Variants in G3BP1 observed in about 807,000 individuals in gnomAD.
The protein encoded by G3BP1 is ras GTPase-activating protein-binding protein 1.
G3BP1 carries 35 observed loss-of-function variants against 58.6 expected under a neutral mutation model. That is an observed-to-expected ratio of 0.60 (90% confidence interval 0.46 to 0.79). The LOEUF (loss-of-function observed/expected upper bound fraction) is 0.79. Ranked by LOEUF, G3BP1 falls within the 30% of genes least tolerant of loss-of-function variation. The probability of loss-of-function intolerance (pLI) is 0.00; values close to 1 mark genes in which losing one functional copy is unlikely to be tolerated. For missense variants in G3BP1, 523 were observed against 580.8 expected (o/e 0.90, Z 1.02); for synonymous variants, 191 against 195.4 (o/e 0.98, Z 0.19).
At chr5:151,788,032 C>G (rs1478066186) in intron 2 of G3BP1, among the ~76,000 whole-genome samples, 16 of 151,850 alleles carry the variant, frequency 1.1e-4, no homozygotes, top group Non-Finnish European at 7.4e-5. Flanking sequence ...TCAGACGATC[C>G]TCCCACCTCA....
At chr5:151,774,811 C>G (rs548683680) in intron 1 of G3BP1, among the ~76,000 whole-genome samples, 1 of 152,152 alleles carries the variant, frequency 6.6e-6, no homozygotes, top group Non-Finnish European at 1.5e-5. Flanking sequence ...TTCCAGTACT[C>G]CAGTACAAGC....
rs189531260 is a variant in G3BP1 at position 151,794,092 on chromosome 5, T to C, written c.352-67T>C. 1.1e-4 allele frequency: 101 copies of C among 892,188 alleles called. No individual in the cohort carries two copies. In the African/African-American group the frequency reaches 1.5e-3, roughly 13 times the overall value. 55.3% of individuals were successfully genotyped at this position (892,188 alleles called of 1,614,324 possible). ...GAGGCAGACTTGTCCCAGTCACCAATGGTGTAGAGTGATTTGACTTTCTAA... is the reference window on the plus strand; with the variant it reads ...GAGGCAGACTTGTCCCAGTCACCAACGGTGTAGAGTGATTTGACTTTCTAA... On this transcript the variant is annotated intron_variant, in intron 4 of 11. Transcript: ENST00000356245.
intron 7 of G3BP1, among the ~76,000 whole-genome samples, chr5:151,798,583 A>T (rs1762795381): frequency 1.3e-5 from 2 of 152,232 alleles, no homozygotes; most frequent in African/African-American, 4.8e-5. Context: ...ATGTTTGTAC[A>T]ATGGATTGGA....
rs1437436906 is a variant in G3BP1 at position 151,806,279 on chromosome 5, T to A, written c.*2188T>A. 1.3e-5 allele frequency: 2 copies of A among 152,204 alleles called. No individual in the cohort carries two copies. Among genetic ancestry groups the A allele is most frequent in the Non-Finnish European group, 2.9e-5 (2 of 68,038 alleles). The allele number at this position is 152,204 out of a possible 1,614,324, so 9.4% of individuals were successfully genotyped here. ...AGGAAATGGAAATCTGTTTCAAGAA[T>A]TGCAGTAACATCTACTCTAAGGAAT... On this transcript the variant is annotated 3_prime_UTR_variant, in exon 12 of 12. Coordinates refer to ENST00000356245, the MANE Select transcript of G3BP1 (RefSeq NM_005754.3).
At chr5:151,779,026 C>A (rs931414335) in intron 1 of G3BP1, among the ~76,000 whole-genome samples, 7 of 151,180 alleles carry the variant, frequency 4.6e-5, no homozygotes, top group African/African-American at 1.7e-4. Flanking sequence ...CCAGCCTGGG[C>A]GACAGTGGAA....
At chr5:151,792,126 AC>A (rs1294580679) in intron 4 of G3BP1, 3 of 456,062 alleles carry the variant, frequency 6.6e-6, no homozygotes, top group African/African-American at 6.0e-5. Flanking sequence ...TTTTAGTTAT[AC>A]TTATGAAAGG....
At chr5:151,790,250 T>A in intron 2 of G3BP1, 73 bp from the exon 3 acceptor site, 1 of 763,716 alleles carries the variant, frequency 1.3e-6, no homozygotes. Flanking sequence ...AAAAAAAGTT[T>A]GCCAGTATCA....
intron 10 of G3BP1, among the ~76,000 whole-genome samples, 164 bp downstream of exon 10, chr5:151,800,510 A>G (rs547724565): frequency 2.0e-5 from 3 of 152,312 alleles, no homozygotes; most frequent in Non-Finnish European, 4.4e-5. Flanking sequence ...ATTTAACTTA[A>G]GGCATTGTCA....
At chr5:151,793,402 C>T (rs79317443) in intron 4 of G3BP1, among the ~76,000 whole-genome samples, 3,524 of 152,266 alleles carry the variant, frequency 0.023, 71 homozygotes, top group South Asian at 0.035. Flanking sequence ...AGCCACTGTG[C>T]CCATCCGGGA....
At chr5:151,782,926 C>T (rs1261488304) in intron 1 of G3BP1, among the ~76,000 whole-genome samples, 3 of 137,644 alleles carry the variant, frequency 2.2e-5, no homozygotes, top group Admixed American at 8.1e-5. Flanking sequence ...GGCGTGATCT[C>T]GGCTCACTGC....
intron 2 of G3BP1, chr5:151,786,918 C>A: frequency 2.8e-6 from 1 of 361,780 alleles, no homozygotes; most frequent in Non-Finnish European, 5.0e-6. Flanking sequence ...TCTGGACTGA[C>A]TGCAACGTCC....
At chr5:151,793,840 A>G (rs1202429473) in intron 4 of G3BP1, among the ~76,000 whole-genome samples, 2 of 150,452 alleles carry the variant, frequency 1.3e-5, no homozygotes, top group Non-Finnish European at 2.9e-5. Flanking sequence ...TCAAAAAAAA[A>G]AAAAAAAAAA....
chr5:151,776,072 C>G (rs1174538403), intron 1 of G3BP1, among the ~76,000 whole-genome samples: 1 of 152,152 alleles, frequency 6.6e-6, no homozygotes, highest in Admixed American at 6.5e-5. Flanking sequence ...GTTCTAGGAT[C>G]CAGTCCAAGA....
At chr5:151,791,667 T>C (rs1030400882) in intron 4 of G3BP1, 6 of 157,414 alleles carry the variant, frequency 3.8e-5, no homozygotes, top group East Asian at 1.9e-4. Context: ...CTCTCTCTCT[T>C]TTTTTTTGAG....
chr5:151,800,877 G>A lies in G3BP1; in HGVS notation c.1194+8G>A. 1 of 1,355,016 alleles carries A rather than the reference G, an allele frequency of 7.4e-7. No homozygotes were observed. The highest frequency in any genetic ancestry group is 1.0e-6 in the Non-Finnish European group (1 of 964,588). The allele number at this position is 1,355,016 out of a possible 1,614,324, so 83.9% of individuals were successfully genotyped here. On this transcript the variant is annotated splice_region_variant and intron_variant, in intron 11 of 11. Transcript: ENST00000356245. ...AAAGTCCTTAGCAACAGGGTAAGCA[G>A]CTTTTTGTCTTGATTTTTTTTTTTT...
At chr5:151,773,469 G>C (rs550448513) in intron 1 of G3BP1, among the ~76,000 whole-genome samples, 11 of 152,304 alleles carry the variant, frequency 7.2e-5, no homozygotes, top group Admixed American at 2.0e-4. Flanking sequence ...TTACTCTGCT[G>C]GGTTCTTGTG....
At chr5:151,788,256 T>G (rs557832042) in intron 2 of G3BP1, among the ~76,000 whole-genome samples, 1 of 152,248 alleles carries the variant, frequency 6.6e-6, no homozygotes, top group East Asian at 1.9e-4. Flanking sequence ...TTCCTCCTGA[T>G]CATTACAAAA....
intron 1 of G3BP1, among the ~76,000 whole-genome samples, chr5:151,774,670 T>C (rs1762336729): frequency 6.6e-6 from 1 of 151,710 alleles, no homozygotes; most frequent in African/African-American, 2.4e-5. Context: ...ACGAAACTAT[T>C]ACTGACTTTA....
At position 151,808,991 on chromosome 5, in the gene G3BP1, A is replaced by G. The variant is rs991595531; in HGVS notation, c.*4900A>G. The stretch of plus-strand genomic sequence containing the variant: ...CAGGAATTTGAGACCAGCTTGGGCA[A>G]CATAGCAAGACCCTGTCTCTACAGA... On this transcript the variant is annotated 3_prime_UTR_variant, in exon 12 of 12. Transcript: ENST00000356245. The G allele has an allele frequency of 2.6e-5, 4 of 152,390 alleles. No homozygotes were observed. The highest frequency in any genetic ancestry group is 4.4e-5 in the Non-Finnish European group (3 of 68,186). 9.4% of individuals were successfully genotyped at this position (152,390 alleles called of 1,614,324 possible).
Sources: allele counts gnomAD v4.1 joint callset (sites outside exome capture counted in the v4.1 genomes callset), GRCh38; gene constraint gnomAD v4.1.1; transcripts MANE v1.5; gene names NCBI Gene and HGNC (gene_info 2026-07-23, HGNC 2026-07-21).